Variants in SETDB2 observed in about 807,000 individuals in gnomAD.
SETDB2 encodes the protein SET domain bifurcated histone lysine methyltransferase 2.
SETDB2 carries 56 observed loss-of-function variants against 82.5 expected under a neutral mutation model. The ratio of observed to expected loss-of-function variants is 0.68; its 90% CI spans 0.55 to 0.85. The LOEUF (loss-of-function observed/expected upper bound fraction) is 0.85. Among genes scored for constraint, SETDB2 ranks in the 40% least tolerant of loss-of-function variants. The pLI, the probability that SETDB2 is intolerant of heterozygous loss-of-function variation, is 0.00. For synonymous variants in SETDB2, 272 were observed against 284.9 expected (o/e 0.95, Z 0.46); for missense variants, 677 against 816.4 (o/e 0.83, Z 2.08).
chr13:49,463,877 C>T (rs1347462564), intron 4 of SETDB2: 2 of 627,016 alleles, frequency 3.2e-6, no homozygotes, highest in African/African-American at 3.7e-5. Flanking sequence ...TCCTTTGTGT[C>T]CTGGCTTCTT....
intron 8 of SETDB2, 99 bp from the exon 9 acceptor site, chr13:49,482,638 T>C (rs920970884): frequency 2.6e-6 from 2 of 760,574 alleles, no homozygotes; most frequent in African/African-American, 3.6e-5. Context: ...CATTGTAGAA[T>C]GTGTGGGTTC....
chr13:49,476,932 C>G lies in SETDB2; in HGVS notation c.762C>G (p.Leu254=). The change falls in exon 6 of 14, where the codon CTC becomes CTG. Residue 254 remains leucine (L), a synonymous_variant. Coordinates refer to ENST00000611815, the MANE Select transcript of SETDB2 (RefSeq NM_001160308.3). Reference sequence around the variant, plus strand: ...GTAATGAAATTGACAGTAGAAAGCTCCCACAGTTTAAGTACAGAAAGACTG... The same window carrying G: ...GTAATGAAATTGACAGTAGAAAGCTGCCACAGTTTAAGTACAGAAAGACTG... ...SFCNEIDSRK[L]PQFKYRKTVW... is the part of the protein sequence containing the mutation. 1 of 1,614,148 alleles carries G rather than the reference C, an allele frequency of 6.2e-7. No homozygotes were observed. Among genetic ancestry groups the G allele is most frequent in the African/African-American group, 1.3e-5 (1 of 75,040 alleles).
chr13:49,471,561 G>A (rs563544911), intron 5 of SETDB2, among the ~76,000 whole-genome samples: 1 of 151,780 alleles, frequency 6.6e-6, no homozygotes, highest in African/African-American at 2.4e-5. Flanking sequence ...CACTGGGCTT[G>A]CACCACTGCT....
intron 2 of SETDB2, among the ~76,000 whole-genome samples, chr13:49,452,628 C>T (rs1489688250): frequency 6.6e-6 from 1 of 152,186 alleles, no homozygotes; most frequent in Non-Finnish European, 1.5e-5. Flanking sequence ...TTTTTCCATT[C>T]CAAGATCCCA....
intron 12 of SETDB2, 138 bp downstream of exon 12, chr13:49,488,768 G>T: frequency 1.5e-6 from 1 of 668,914 alleles, no homozygotes; most frequent in Non-Finnish European, 2.4e-6. Context: ...GTATACAGTT[G>T]GATGTTTTAC....
At chr13:49,459,210 G>A (rs529412978) in intron 2 of SETDB2, among the ~76,000 whole-genome samples, 2 of 152,166 alleles carry the variant, frequency 1.3e-5, no homozygotes, top group Non-Finnish European at 2.9e-5. Context: ...AGCAGGAATT[G>A]AGACTTTGAT....
rs371571813 is a variant in SETDB2 at position 49,475,192 on chromosome 13, C to T, written c.306-1284C>T. Among the ~76,000 whole-genome samples the T allele has an allele frequency of 2.0e-5, 3 of 152,218 alleles. No individual in the cohort carries two copies. In the East Asian group the frequency reaches 5.8e-4, roughly 29 times the overall value. On this transcript the variant is annotated intron_variant, in intron 5 of 13. Coordinates refer to ENST00000611815, the MANE Select transcript of SETDB2 (RefSeq NM_001160308.3). ...GCTTGTGCAGGGAAACTCCCCCTTA[C>T]GTTACCATCAGATCTCGTGAGACTT...
intron 11 of SETDB2, among the ~76,000 whole-genome samples, chr13:49,486,311 A>T (rs1025924448): frequency 7.2e-5 from 10 of 138,570 alleles, no homozygotes; most frequent in African/African-American, 2.5e-4. Flanking sequence ...CTCAAAAAAA[A>T]AAATAAAATG....
chr13:49,465,140 G>T (rs1265390306), intron 4 of SETDB2, among the ~76,000 whole-genome samples: 2 of 151,582 alleles, frequency 1.3e-5, no homozygotes, highest in Non-Finnish European at 2.9e-5. Context: ...AGAAACAAAA[G>T]AACTTTGTGT....
At chr13:49,483,015 G>A (rs114739756) in intron 9 of SETDB2, 53 bp downstream of exon 9, 2 of 1,153,332 alleles carry the variant, frequency 1.7e-6, no homozygotes. Context: ...TCAATCAATT[G>A]GTTCTTTTTC....
Position 49,467,715 on chromosome 13 carries a change from C to G in SETDB2, c.209-149C>G, listed in dbSNP as rs1958145734. Reference sequence around the variant, plus strand: ...ATTTTTGAAAATATTGACACTTAATCTTTTGCCTCAATCTTGAAACCTTAC... The same window carrying G: ...ATTTTTGAAAATATTGACACTTAATGTTTTGCCTCAATCTTGAAACCTTAC... On this transcript the variant is annotated intron_variant, in intron 4 of 13. Coordinates refer to ENST00000611815, the MANE Select transcript of SETDB2 (RefSeq NM_001160308.3). 3 of 455,832 alleles carry G rather than the reference C, an allele frequency of 6.6e-6. No individual in the cohort carries two copies. The East Asian group carries it at 1.0e-4, about 16-fold the overall frequency. The allele number at this position is 455,832 out of a possible 1,614,324, so 28.2% of individuals were successfully genotyped here. A position where few individuals can be genotyped will look rare whatever the true frequency, so the allele number is the denominator to read the frequency against.
intron 11 of SETDB2, among the ~76,000 whole-genome samples, chr13:49,487,836 G>GGT (rs770302428): frequency 6.6e-6 from 1 of 152,188 alleles, no homozygotes; most frequent in Non-Finnish European, 1.5e-5. Flanking sequence ...ACTTGTGGAA[G>GGT]GTGTCTCTGT....
chr13:49,465,600 G>A (rs540415888), intron 4 of SETDB2, among the ~76,000 whole-genome samples: 43 of 151,464 alleles, frequency 2.8e-4, no homozygotes, highest in East Asian at 1.2e-3. Flanking sequence ...ACAATGGCAC[G>A]ATCTTTGCTC....
intron 9 of SETDB2, 41 bp from the exon 10 acceptor site, chr13:49,483,423 G>T (rs1958517460): frequency 2.6e-6 from 2 of 772,346 alleles, no homozygotes; most frequent in South Asian, 2.0e-5. Flanking sequence ...AGAATGAAGA[G>T]AATTTTTAGT....
rs1456896841 is a variant in SETDB2 at position 49,493,790 on chromosome 13, T to G, written c.*1941T>G. The stretch of plus-strand genomic sequence containing the variant: ...GCTGTTGCTGTGGAGTCTGAAAATC[T>G]GTCTTCTGGCTTCCAGGGTGACTAC... On this transcript the variant is annotated 3_prime_UTR_variant, in exon 14 of 14. Coordinates refer to ENST00000611815, the MANE Select transcript of SETDB2 (RefSeq NM_001160308.3). 1 of 152,272 alleles carries G rather than the reference T, an allele frequency of 6.6e-6. No homozygotes were observed. Among genetic ancestry groups the G allele is most frequent in the Admixed American group, 6.5e-5 (1 of 15,290 alleles). 9.4% of individuals were successfully genotyped at this position (152,272 alleles called of 1,614,324 possible).
intron 6 of SETDB2, among the ~76,000 whole-genome samples, chr13:49,478,547 C>T (rs1242697192): frequency 6.6e-6 from 1 of 152,030 alleles, no homozygotes; most frequent in Non-Finnish European, 1.5e-5. Flanking sequence ...AGCATGAGTC[C>T]CGACAAGTAG....
chr13:49,485,228 CCTTT>C (rs1232557859), intron 10 of SETDB2, among the ~76,000 whole-genome samples: 8 of 152,190 alleles, frequency 5.3e-5, no homozygotes, highest in African/African-American at 1.7e-4. Context: ...CATTCGTTAA[CCTTT>C]CTTTGAAGTA....
intron 12 of SETDB2, among the ~76,000 whole-genome samples, chr13:49,489,595 TC>T (rs1958663343): frequency 1.0e-5 from 1 of 95,266 alleles, no homozygotes. Flanking sequence ...TCATATTTAT[TC>T]TTTTTTTTTT....
chr13:49,466,111 A>G lies in SETDB2; in HGVS notation c.209-1753A>G, dbSNP rs1958108901. Among the ~76,000 whole-genome samples the G allele has an allele frequency of 2.0e-5, 3 of 152,160 alleles. No homozygotes were observed. In the South Asian group the frequency reaches 6.2e-4, roughly 32 times the overall value. ...AACAGTCACAAGGGTCTCTTTCTCC[A>G]TATCATTTAGACTAGGTTTGAATAA... On this transcript the variant is annotated intron_variant, in intron 4 of 13. Transcript: ENST00000611815.
Sources: gnomAD v4.1 joint callset for allele counts (sites outside exome capture counted in the v4.1 genomes callset) on GRCh38, gnomAD v4.1.1 for gene constraint, MANE v1.5 for transcripts, NCBI Gene and HGNC (gene_info 2026-07-23, HGNC 2026-07-21) for gene names.